Variants in SIRPD observed in about 807,000 individuals in gnomAD.
SIRPD encodes signal-regulatory protein delta.
SIRPD carries 21 observed loss-of-function variants against 18.0 expected under a neutral mutation model. The observed-to-expected ratio is 1.17, with a 90% confidence interval of 0.83 to 1.68. SIRPD has a LOEUF of 1.68. SIRPD is among the 40% of genes most tolerant of loss of function. The pLI, the probability that SIRPD is intolerant of heterozygous loss-of-function variation, is 0.00. For synonymous variants in SIRPD, 106 were observed against 92.9 expected (o/e 1.14, Z -0.81); for missense variants, 295 against 238.4 (o/e 1.24, Z -1.56).
At position 1,534,282 on chromosome 20, in the gene SIRPD, A is replaced by G; in HGVS notation, c.*143T>C. The G allele has an allele frequency of 9.0e-7, 1 of 1,113,910 alleles. No individual in the cohort carries two copies. Among genetic ancestry groups the G allele is most frequent in the Non-Finnish European group, 1.3e-6 (1 of 759,334 alleles). 69.0% of individuals were successfully genotyped at this position (1,113,910 alleles called of 1,614,324 possible). ...CCAGGTAAATAGACAGATTTATTGT[A>G]CGATCAAGCTGGCATTTTATGTCAG... On this transcript the variant is annotated 3_prime_UTR_variant, in exon 4 of 4. Coordinates refer to ENST00000381623, the MANE Select transcript of SIRPD (RefSeq NM_178460.3).
chr20:1,552,327 C>G (rs528077268), intron 1 of SIRPD, among the ~76,000 whole-genome samples: 1 of 152,146 alleles, frequency 6.6e-6, no homozygotes, highest in South Asian at 2.1e-4. Flanking sequence ...GGGTAATGTT[C>G]TTGGAGAAAG....
chr20:1,555,639 T>G (rs1280958672), intron 1 of SIRPD, among the ~76,000 whole-genome samples: 1 of 152,112 alleles, frequency 6.6e-6, no homozygotes, highest in Non-Finnish European at 1.5e-5. Context: ...CAAGATAAAA[T>G]TTAAAAAACC....
chr20:1,547,537 G>A (rs752321580), intron 2 of SIRPD, among the ~76,000 whole-genome samples: 10 of 152,176 alleles, frequency 6.6e-5, no homozygotes, highest in Non-Finnish European at 1.0e-4. Context: ...GATTACAGGC[G>A]TGAGCCATTG....
At chr20:1,537,669 C>T (rs761154783) in intron 2 of SIRPD, among the ~76,000 whole-genome samples, 3 of 152,060 alleles carry the variant, frequency 2.0e-5, no homozygotes, top group Non-Finnish European at 2.9e-5. Context: ...GGAGGGCTCC[C>T]GGGAATGGGG....
chr20:1,545,270 C>G (rs1001353845), intron 2 of SIRPD, among the ~76,000 whole-genome samples: 2 of 152,176 alleles, frequency 1.3e-5, no homozygotes, highest in Non-Finnish European at 2.9e-5. Context: ...TAGGTTTGGT[C>G]TTTTCAACAT....
intron 2 of SIRPD, among the ~76,000 whole-genome samples, chr20:1,550,143 C>G (rs2091012402): frequency 6.6e-6 from 1 of 152,184 alleles, no homozygotes; most frequent in Non-Finnish European, 1.5e-5. Flanking sequence ...AAGACAAGCC[C>G]ATTAACCTTT....
intron 2 of SIRPD, among the ~76,000 whole-genome samples, chr20:1,543,516 C>A (rs1406947318): frequency 6.6e-6 from 1 of 151,960 alleles, no homozygotes; most frequent in Non-Finnish European, 1.5e-5. Context: ...ATTCTTCTCT[C>A]TTTTCTTCTT....
intron 2 of SIRPD, among the ~76,000 whole-genome samples, chr20:1,537,738 T>G (rs2256250): frequency 0.42 from 64,492 of 152,096 alleles, 15,476 homozygotes; most frequent in Non-Finnish European, 0.55. Context: ...GTAAAAATGA[T>G]CCTGAAGCCA....
Position 1,542,632 on chromosome 20 carries a change from C to A in SIRPD, c.422-5322G>T, listed in dbSNP as rs544082688. ...CTTCCTATTTGAATACCCTTTATTT[C>A]TTTCTCTTGCCTGATTGCCCCAGCC... On this transcript the variant is annotated intron_variant, in intron 2 of 3. Transcript: ENST00000381623. Among the ~76,000 whole-genome samples the A allele has an allele frequency of 1.2e-4, 19 of 152,278 alleles. No homozygotes were observed. The South Asian group carries it at 3.9e-3, about 32-fold the overall frequency.
In SIRPD at chr20:1,544,323, G is replaced by A. The variant is rs553603138; in HGVS notation, c.422-7013C>T. On this transcript the variant is annotated intron_variant, in intron 2 of 3. Coordinates refer to ENST00000381623, the MANE Select transcript of SIRPD (RefSeq NM_178460.3). ...ATTGAGGGCATATATATTTAGGATA[G>A]TTAGCTCTTTTTGTTTTATTGATGC... Among the ~76,000 whole-genome samples the A allele has an allele frequency of 2.0e-4, 31 of 152,216 alleles. No homozygotes were observed. The East Asian group carries it at 5.8e-3, about 28-fold the overall frequency.
In SIRPD at chr20:1,551,687, T is replaced by C. The variant is rs985228947; in HGVS notation, c.421+4A>G. 3 of 1,608,264 alleles carry C rather than the reference T, an allele frequency of 1.9e-6. No homozygotes were observed. The highest frequency in any genetic ancestry group is 4.5e-5 in the East Asian group (2 of 44,826). ...GGGGTATGGGGTATAGGAGACATAC[T>C]CACCAGTAACAAACACCTGAGTGCC... On this transcript the variant is annotated splice_donor_region_variant and intron_variant, in intron 2 of 3. Transcript: ENST00000381623.
At chr20:1,554,278 C>T (rs1168703352) in intron 1 of SIRPD, 2 of 152,598 alleles carry the variant, frequency 1.3e-5, no homozygotes, top group Non-Finnish European at 2.9e-5. Context: ...TCACCTGGAA[C>T]TCTTCTTCTG....
chr20:1,556,527 A>G (rs2091042234), intron 1 of SIRPD, among the ~76,000 whole-genome samples: 1 of 152,244 alleles, frequency 6.6e-6, no homozygotes, highest in African/African-American at 2.4e-5. Flanking sequence ...CTTAACCACA[A>G]GTAGCTCAGA....
Position 1,537,311 on chromosome 20 carries a change from C to T in SIRPD, c.422-1G>A. 6.2e-7 allele frequency: 1 copy of T among 1,613,312 alleles called. No individual in the cohort carries two copies. Among genetic ancestry groups the T allele is most frequent in the Non-Finnish European group, 8.5e-7 (1 of 1,179,502 alleles). On this transcript the variant is annotated splice_acceptor_variant, in intron 2 of 3. Transcript: ENST00000381623. LOFTEE classifies it high-confidence loss of function. ...TTCTTGGGAGGTCTTGGATTCTGCT[C>T]TGCTGAGAGAGGCAAAACTATGTGT...
At chr20:1,542,319 A>G (rs923561441) in intron 2 of SIRPD, among the ~76,000 whole-genome samples, 1 of 152,124 alleles carries the variant, frequency 6.6e-6, no homozygotes, top group Non-Finnish European at 1.5e-5. Flanking sequence ...TTCCTTGAGC[A>G]GTGGTTCGTA....
intron 2 of SIRPD, among the ~76,000 whole-genome samples, chr20:1,545,335 T>A (rs566949744): frequency 6.6e-6 from 1 of 152,196 alleles, no homozygotes; most frequent in South Asian, 2.1e-4. Context: ...TTTTCTCTAA[T>A]CTTGTCTTCA....
intron 2 of SIRPD, among the ~76,000 whole-genome samples, chr20:1,550,185 G>T (rs1180358080): frequency 6.6e-6 from 1 of 152,208 alleles, no homozygotes; most frequent in Non-Finnish European, 1.5e-5. Context: ...TGATAAGGTA[G>T]GGTGTGGACC....
intron 2 of SIRPD, among the ~76,000 whole-genome samples, chr20:1,550,632 A>G (rs538041250): frequency 2.6e-5 from 4 of 152,124 alleles, no homozygotes; most frequent in Non-Finnish European, 5.9e-5. Flanking sequence ...CAATCAACTC[A>G]TATTTTTGGT....
intron 2 of SIRPD, among the ~76,000 whole-genome samples, chr20:1,550,660 A>G (rs547758813): frequency 6.6e-6 from 1 of 152,186 alleles, no homozygotes; most frequent in East Asian, 1.9e-4. Flanking sequence ...AATGCATTTG[A>G]TCTTCTTTCT....
Sources: allele counts gnomAD v4.1 joint callset (sites outside exome capture counted in the v4.1 genomes callset), GRCh38; gene constraint gnomAD v4.1.1; transcripts MANE v1.5; gene names NCBI Gene and HGNC (gene_info 2026-07-23, HGNC 2026-07-21).